The following RUNX1 variants were observed in gnomAD, a reference collection of about 807,000 sequenced individuals.
RUNX1 encodes the protein RUNX family transcription factor 1.
In RUNX1, 19 loss-of-function variants were observed where a neutral mutation model predicts 42.8. That is an observed-to-expected ratio of 0.44 (90% CI 0.31 to 0.65). RUNX1 has a LOEUF of 0.65. RUNX1 is among the 30% of genes least tolerant of loss of function. The probability of loss-of-function intolerance (pLI) is 0.07; values close to 1 mark genes in which losing one functional copy is unlikely to be tolerated. For missense variants in RUNX1, 528 were observed against 672.0 expected (o/e 0.79, Z 2.37); for synonymous variants, 271 against 289.4 (o/e 0.94, Z 0.64).
intron 3 of RUNX1, among the ~76,000 whole-genome samples, chr21:34,890,606 C>T (rs932446549): frequency 6.6e-6 from 1 of 152,212 alleles, no homozygotes; most frequent in Non-Finnish European, 1.5e-5. Context: ...CTCCGCTCCC[C>T]CTGGGCACTG....
intron 2 of RUNX1, among the ~76,000 whole-genome samples, chr21:34,995,419 T>C (rs895650318): frequency 1.3e-5 from 2 of 150,322 alleles, no homozygotes; most frequent in Admixed American, 6.6e-5. Flanking sequence ...AAATAAAGGC[T>C]GTTACTTTCT....
intron 2 of RUNX1, among the ~76,000 whole-genome samples, chr21:35,016,356 G>A (rs139612665): frequency 3.4e-4 from 52 of 152,310 alleles, no homozygotes; most frequent in East Asian, 2.5e-3. Context: ...GAGCACTGGT[G>A]AGTCAGTTGT....
At chr21:35,002,110 T>A (rs2059048757) in intron 2 of RUNX1, among the ~76,000 whole-genome samples, 1 of 151,556 alleles carries the variant, frequency 6.6e-6, no homozygotes, top group Non-Finnish European at 1.5e-5. Flanking sequence ...AATCCCAATA[T>A]TATTATTATT....
chr21:34,816,733 A>T (rs1247311472), intron 7 of RUNX1, among the ~76,000 whole-genome samples: 1 of 152,130 alleles, frequency 6.6e-6, no homozygotes, highest in African/African-American at 2.4e-5. Flanking sequence ...GGCATCCAGC[A>T]TGGACCAAAG....
intron 6 of RUNX1, among the ~76,000 whole-genome samples, chr21:34,855,117 C>T (rs77700124): frequency 0.027 from 4,175 of 152,142 alleles, 81 homozygotes; most frequent in African/African-American, 0.053. Context: ...ATGTTCCAGA[C>T]GTAACAAACA....
intron 2 of RUNX1, among the ~76,000 whole-genome samples, chr21:34,898,700 G>A (rs1385758977): frequency 6.6e-6 from 1 of 152,122 alleles, no homozygotes; most frequent in African/African-American, 2.4e-5. Flanking sequence ...TTGCCAGCGA[G>A]GCTGTGTTTT....
At chr21:35,043,108 T>G (rs2059371366) in intron 2 of RUNX1, among the ~76,000 whole-genome samples, 1 of 152,198 alleles carries the variant, frequency 6.6e-6, no homozygotes, top group African/African-American at 2.4e-5. Context: ...CAGGAGGTTT[T>G]GAGCCCTGTT....
At chr21:35,010,640 C>T (rs561084739) in intron 2 of RUNX1, among the ~76,000 whole-genome samples, 2 of 152,096 alleles carry the variant, frequency 1.3e-5, no homozygotes, top group South Asian at 4.2e-4. Flanking sequence ...CACACACACA[C>T]ACACACACAC....
intron 2 of RUNX1, among the ~76,000 whole-genome samples, chr21:34,996,999 G>A (rs1437453074): frequency 6.6e-6 from 1 of 152,162 alleles, no homozygotes; most frequent in East Asian, 1.9e-4. Context: ...CAGAACTTAT[G>A]ATTCCTTTTA....
At chr21:34,899,339 A>G (rs2146479649) in intron 2 of RUNX1, among the ~76,000 whole-genome samples, 1 of 152,218 alleles carries the variant, frequency 6.6e-6, no homozygotes, top group African/African-American at 2.4e-5. Flanking sequence ...GATTAAGATG[A>G]GGTTGTGAGG....
intron 5 of RUNX1, among the ~76,000 whole-genome samples, chr21:34,870,823 T>C (rs919511482): frequency 1.2e-4 from 19 of 152,150 alleles, no homozygotes; most frequent in Admixed American, 8.5e-4. Flanking sequence ...CCAGGCGTGG[T>C]GGTGCAAGCC....
intron 7 of RUNX1, among the ~76,000 whole-genome samples, chr21:34,832,608 G>C (rs901443056): frequency 6.6e-6 from 1 of 152,166 alleles, no homozygotes; most frequent in African/African-American, 2.4e-5. Flanking sequence ...ATGTGAATTA[G>C]TTTAAATGAC....
intron 2 of RUNX1, among the ~76,000 whole-genome samples, chr21:34,912,305 C>T (rs894045451): frequency 6.6e-6 from 1 of 151,078 alleles, no homozygotes; most frequent in Non-Finnish European, 1.5e-5. Flanking sequence ...ACTCTTCTAT[C>T]ACTGGGTGGC....
intron 4 of RUNX1, among the ~76,000 whole-genome samples, chr21:34,883,745 C>T (rs142885449): frequency 1.7e-3 from 263 of 152,312 alleles, no homozygotes; most frequent in Middle Eastern, 0.01. Flanking sequence ...CAATACTGTT[C>T]TTGGCTAGCC....
At chr21:34,915,136 T>A (rs1055547571) in intron 2 of RUNX1, among the ~76,000 whole-genome samples, 1 of 152,186 alleles carries the variant, frequency 6.6e-6, no homozygotes, top group Non-Finnish European at 1.5e-5. Context: ...GTTGCCCAGT[T>A]AATAGGACTT....
chr21:34,794,109 T>G (rs1213731178), intron 8 of RUNX1, among the ~76,000 whole-genome samples: 1 of 152,182 alleles, frequency 6.6e-6, no homozygotes, highest in Non-Finnish European at 1.5e-5. Flanking sequence ...GATATTAATA[T>G]AGCAGATGAT....
intron 2 of RUNX1, among the ~76,000 whole-genome samples, chr21:34,953,402 T>C (rs8134367): frequency 6.6e-6 from 1 of 152,168 alleles, no homozygotes; most frequent in African/African-American, 2.4e-5. Flanking sequence ...CCAGGGAAGC[T>C]TTCTAAAGGG....
At chr21:34,824,748 G>T (rs914795313) in intron 7 of RUNX1, among the ~76,000 whole-genome samples, 1 of 152,178 alleles carries the variant, frequency 6.6e-6, no homozygotes, top group South Asian at 2.1e-4. Context: ...CACAGGTAAT[G>T]AAAGTCCCTC....
chr21:35,008,094 A>G (rs1387895937), intron 2 of RUNX1, among the ~76,000 whole-genome samples: 1 of 152,176 alleles, frequency 6.6e-6, no homozygotes, highest in African/African-American at 2.4e-5. Context: ...CTTGGCACCA[A>G]TGTCCTCTTC....
Sources: allele counts gnomAD v4.1 joint callset (sites outside exome capture counted in the v4.1 genomes callset), GRCh38; gene constraint gnomAD v4.1.1; transcripts MANE v1.5; gene names NCBI Gene and HGNC (gene_info 2026-07-23, HGNC 2026-07-21).